Variants in SOX6 observed in about 807,000 individuals in gnomAD.
SOX6 encodes the protein SRY-box transcription factor 6.
Under a neutral mutation model 97.8 loss-of-function variants are expected in SOX6, and 11 were observed. The observed-to-expected ratio is 0.11, with a 90% CI of 0.07 to 0.19. The LOEUF is 0.19. SOX6 is among the 10% of genes least tolerant of loss of function. The pLI is 1.00. For missense variants in SOX6, 810 were observed against 1,039.5 expected, an observed-to-expected ratio of 0.78 and a Z score of 3.04; for synonymous variants, 360 against 371.4, an observed-to-expected ratio of 0.97 and a Z score of 0.35.
chr11:16,138,911 C>T (rs536912839), intron 6 of SOX6, among the ~76,000 whole-genome samples: 6 of 152,226 alleles, frequency 3.9e-5, no homozygotes, highest in Admixed American at 1.3e-4. Flanking sequence ...TAGTATTACA[C>T]GGTGTATATG....
At chr11:16,152,906 T>A (rs1850495247) in intron 6 of SOX6, among the ~76,000 whole-genome samples, 1 of 152,024 alleles carries the variant, frequency 6.6e-6, no homozygotes, top group Admixed American at 6.6e-5. Context: ...CTTGTTCTGT[T>A]GCCAGGCTTG....
chr11:16,459,762 C>T (rs748866675), intron 1 of SOX6, among the ~76,000 whole-genome samples: 1 of 151,708 alleles, frequency 6.6e-6, no homozygotes, highest in African/African-American at 2.4e-5. Flanking sequence ...TAAATAGAAA[C>T]AATCTAGAAT....
At chr11:16,502,250 G>T (rs1860720276) in intron 4 of SOX6, among the ~76,000 whole-genome samples, 1 of 152,112 alleles carries the variant, frequency 6.6e-6, no homozygotes, top group South Asian at 2.1e-4. Flanking sequence ...CTCATAGGTG[G>T]GAATTGAACA....
At chr11:16,706,472 ATATATATATATATATATAT>A (rs1240045981) in intron 3 of SOX6, among the ~76,000 whole-genome samples, 615 of 16,502 alleles carry the variant, frequency 0.037, 214 homozygotes, top group African/African-American at 0.059. Context: ...AAAAAAAAAA[ATATATATATATATATATAT>A]ATATATATAT....
chr11:16,657,003 T>G (rs892853407), intron 3 of SOX6, among the ~76,000 whole-genome samples: 3 of 152,360 alleles, frequency 2.0e-5, no homozygotes, highest in East Asian at 3.9e-4. Flanking sequence ...TAGAGTTTAC[T>G]GTATGTTCTA....
chr11:16,184,391 C>G (rs1444711910), intron 5 of SOX6, among the ~76,000 whole-genome samples: 1 of 151,986 alleles, frequency 6.6e-6, no homozygotes, highest in East Asian at 1.9e-4. Flanking sequence ...TTTCCTGATA[C>G]AAAGATTTTC....
chr11:16,130,183 A>G (rs546694199), intron 6 of SOX6, among the ~76,000 whole-genome samples: 1 of 152,102 alleles, frequency 6.6e-6, no homozygotes, highest in South Asian at 2.1e-4. Flanking sequence ...TTATAACTCC[A>G]TTTACATTAG....
At chr11:16,310,301 G>T (rs1855561499) in intron 3 of SOX6, among the ~76,000 whole-genome samples, 1 of 151,686 alleles carries the variant, frequency 6.6e-6, no homozygotes, top group South Asian at 2.1e-4. Flanking sequence ...AATATGAGAG[G>T]AAGACCAGTT....
intron 9 of SOX6, among the ~76,000 whole-genome samples, chr11:16,091,270 T>C (rs867335717): frequency 1.3e-5 from 2 of 152,080 alleles, no homozygotes; most frequent in Admixed American, 6.6e-5. Flanking sequence ...AAAACAAGCT[T>C]TGAGTCAGTT....
At chr11:16,357,793 C>T (rs982244089), upstream of SOX6, among the ~76,000 whole-genome samples, 12 of 152,276 alleles carry the variant, frequency 7.9e-5, no homozygotes, top group East Asian at 3.9e-4. Flanking sequence ...ATTTCACCAA[C>T]GAAATCCCAT....
At chr11:16,053,366 T>C (rs181112375) in intron 10 of SOX6, among the ~76,000 whole-genome samples, 2 of 152,254 alleles carry the variant, frequency 1.3e-5, no homozygotes, top group East Asian at 1.9e-4. Context: ...GGAAATCCTC[T>C]AGGTGTTTAT....
chr11:16,601,427 A>G (rs1161911396), intron 4 of SOX6, among the ~76,000 whole-genome samples: 1 of 152,148 alleles, frequency 6.6e-6, no homozygotes, highest in Non-Finnish European at 1.5e-5. Flanking sequence ...TCCCTAAACT[A>G]TATTAAAACA....
chr11:16,393,843 A>C (rs1858262216), intron 1 of SOX6, among the ~76,000 whole-genome samples: 1 of 152,024 alleles, frequency 6.6e-6, no homozygotes, highest in Non-Finnish European at 1.5e-5. Flanking sequence ...AATCTAGACA[A>C]CTTACGAAGG....
At chr11:16,089,380 CATAT>C (rs1415963596) in intron 9 of SOX6, among the ~76,000 whole-genome samples, 2 of 152,088 alleles carry the variant, frequency 1.3e-5, no homozygotes, top group Admixed American at 6.6e-5. Context: ...AAGGTAGGAA[CATAT>C]ATAATGATTT....
chr11:16,221,925 T>G (rs1424827175), intron 4 of SOX6, among the ~76,000 whole-genome samples: 1 of 152,164 alleles, frequency 6.6e-6, no homozygotes, highest in Non-Finnish European at 1.5e-5. Context: ...AGTCCATTGA[T>G]AGGGTTTCAG....
chr11:16,100,816 G>C (rs1400300334), intron 7 of SOX6, among the ~76,000 whole-genome samples: 1 of 150,176 alleles, frequency 6.7e-6, no homozygotes, highest in Non-Finnish European at 1.5e-5. Flanking sequence ...TCATTCTTCA[G>C]AAAGACAAAG....
At chr11:16,614,264 C>T (rs1848440769) in intron 3 of SOX6, among the ~76,000 whole-genome samples, 1 of 152,102 alleles carries the variant, frequency 6.6e-6, no homozygotes, top group African/African-American at 2.4e-5. Flanking sequence ...GAGCTGACTC[C>T]GTACTCCCTG....
chr11:16,553,314 G>A (rs1420208490), intron 4 of SOX6, among the ~76,000 whole-genome samples: 1 of 152,112 alleles, frequency 6.6e-6, no homozygotes, highest in African/African-American at 2.4e-5. Flanking sequence ...ATGGGCTGTT[G>A]GCAACTGTAT....
At chr11:16,351,416 C>A (rs977638307) in intron 1 of SOX6, among the ~76,000 whole-genome samples, 1 of 152,082 alleles carries the variant, frequency 6.6e-6, no homozygotes, top group Non-Finnish European at 1.5e-5. Flanking sequence ...CATACCTAAA[C>A]TCTTACAACA....
Sources: gnomAD v4.1 joint callset for allele counts (sites outside exome capture counted in the v4.1 genomes callset) on GRCh38, gnomAD v4.1.1 for gene constraint, MANE v1.5 for transcripts, NCBI Gene and HGNC (gene_info 2026-07-23, HGNC 2026-07-21) for gene names.